USP14: variants seen among roughly 807,000 people sequenced by gnomAD.
USP14 encodes the protein ubiquitin carboxyl-terminal hydrolase 14.
USP14 carries 38 observed loss-of-function variants against 76.5 expected under a neutral mutation model. The observed-to-expected ratio is 0.50, with a 90% CI of 0.38 to 0.65. The LOEUF is 0.65. USP14 is among the 30% of genes least tolerant of loss of function. The probability of loss-of-function intolerance (pLI) is 0.00; values close to 1 mark genes in which losing one functional copy is unlikely to be tolerated. For missense variants in USP14, 467 were observed against 586.5 expected, an observed-to-expected ratio of 0.80 and a Z score of 2.10; for synonymous variants, 192 against 191.7, an observed-to-expected ratio of 1.00 and a Z score of -0.01.
chr18:194,295 T>G (rs1232116963), intron 6 of USP14, among the ~76,000 whole-genome samples: 1 of 152,230 alleles, frequency 6.6e-6, no homozygotes, highest in Non-Finnish European at 1.5e-5. Context: ...CATTTATATC[T>G]ACTTCATTTG....
chr18:158,749 G>C, intron 1 of USP14, 35 bp downstream of exon 1: 1 of 1,473,866 alleles, frequency 6.8e-7, no homozygotes, highest in African/African-American at 1.5e-5. Flanking sequence ...GCAGCACACC[G>C]GACCGGCGCT....
At chr18:166,043 GAAAGT>G (rs1314292452) in intron 2 of USP14, among the ~76,000 whole-genome samples, 1 of 152,134 alleles carries the variant, frequency 6.6e-6, no homozygotes, top group Non-Finnish European at 1.5e-5. Context: ...ATATTGAAAG[GAAAGT>G]ATATACTTGC....
Position 166,826 on chromosome 18 carries a change from A to AT in USP14, c.195+9dup, listed in dbSNP as rs368830212. 85 of 1,609,362 alleles carry AT rather than the reference A, an allele frequency of 5.3e-5. No homozygotes were observed. In the African/African-American group the frequency reaches 1.0e-3, roughly 20 times the overall value. ...AAACATCAAAATAAAAAATGTAAGTATTATCTTATGAACGTTTATTATAAT... is the reference window on the plus strand; with the variant it reads ...AAACATCAAAATAAAAAATGTAAGTATTTATCTTATGAACGTTTATTATAAT... On this transcript the variant is annotated splice_region_variant and intron_variant, in intron 3 of 15. Coordinates refer to ENST00000261601, the MANE Select transcript of USP14 (RefSeq NM_005151.4).
chr18:214,383 C>CTACTT lies in USP14; in HGVS notation c.*3100_*3104dup. On this transcript the variant is annotated 3_prime_UTR_variant, in exon 16 of 16. Coordinates refer to ENST00000261601, the MANE Select transcript of USP14 (RefSeq NM_005151.4). ...TTATTTAACTTCATTATAAATACAT[C>CTACTT]TACTTAACAAAAAAATATATTTTGT... 4.9e-6 allele frequency: 2 copies of CTACTT among 412,288 alleles called. No individual in the cohort carries two copies. Among genetic ancestry groups the CTACTT allele is most frequent in the South Asian group, 4.1e-5 (1 of 24,340 alleles). 25.5% of individuals were successfully genotyped at this position (412,288 alleles called of 1,614,324 possible).
chr18:204,800 C>T (rs954750015), intron 13 of USP14, 108 bp downstream of exon 13: 18 of 1,273,732 alleles, frequency 1.4e-5, no homozygotes, highest in Non-Finnish European at 1.8e-5. Context: ...CAGAACTATA[C>T]TTTGTATAGT....
At chr18:188,076 TTC>T (rs1489561121) in intron 5 of USP14, among the ~76,000 whole-genome samples, 1 of 152,186 alleles carries the variant, frequency 6.6e-6, no homozygotes, top group Admixed American at 6.5e-5. Context: ...GGTTGTGGAA[TTC>T]TCTCTTGTTT....
At chr18:168,153 C>T (rs1027582795) in intron 3 of USP14, among the ~76,000 whole-genome samples, 94 of 150,932 alleles carry the variant, frequency 6.2e-4, no homozygotes, top group African/African-American at 2.2e-3. Context: ...CTCGAACTCC[C>T]GACCTCAGGT....
intron 1 of USP14, among the ~76,000 whole-genome samples, chr18:161,922 A>G (rs2027675): frequency 0.21 from 32,060 of 152,132 alleles, 3,919 homozygotes; most frequent in Admixed American, 0.3. Flanking sequence ...ATACAGTTCT[A>G]TAGCATTAAA....
At chr18:192,436 C>T (rs763370563) in intron 5 of USP14, among the ~76,000 whole-genome samples, 12 of 152,050 alleles carry the variant, frequency 7.9e-5, no homozygotes, top group African/African-American at 1.7e-4. Context: ...TGATGGTGGA[C>T]GCCTGTAATC....
chr18:211,282 T>TA lies in USP14; in HGVS notation c.1485dup. ...AATAATGGAAGAGGAAAGTGAACAG[T>TA]AATCTTCATTTTAGTATTTATGCTT... ...VEIMEEESEQ[*] Residue 495 remains the stop codon, a frameshift_variant and stop_retained_variant, in exon 16 of 16, where the codon TAA becomes TAAA. Coordinates refer to ENST00000261601, the MANE Select transcript of USP14 (RefSeq NM_005151.4). LOFTEE classifies it high-confidence loss of function. 1 of 1,604,180 alleles carries TA rather than the reference T, an allele frequency of 6.2e-7. No individual in the cohort carries two copies. The highest frequency in any genetic ancestry group is 8.5e-7 in the Non-Finnish European group (1 of 1,174,306).
rs145134015 is a variant in USP14 at position 209,979 on chromosome 18, A to G, written c.1173A>G (p.Lys391=). 41 of 1,601,370 alleles carry G rather than the reference A, an allele frequency of 2.6e-5. No homozygotes were observed. In the African/African-American group the frequency reaches 4.0e-4, roughly 16 times the overall value. ...KVNQQPNTSD[K]KSSPQKEVKY... is the part of the protein sequence containing the mutation. ...CATTTTTTTCTCCTCAGAGTGACAA[A>G]AAGAGTAGTCCCCAGAAAGAAGTTA... The change falls in exon 14 of 16, where the codon AAA becomes AAG. Residue 391 remains lysine, a synonymous_variant. Coordinates refer to ENST00000261601, the MANE Select transcript of USP14 (RefSeq NM_005151.4).
chr18:166,176 T>C (rs930406289), intron 2 of USP14, among the ~76,000 whole-genome samples: 4 of 152,228 alleles, frequency 2.6e-5, no homozygotes, highest in Admixed American at 1.3e-4. Flanking sequence ...ATTAGTCAAG[T>C]GTTTTTTAGT....
At chr18:184,293 C>G (rs565369129) in intron 5 of USP14, among the ~76,000 whole-genome samples, 8 of 152,078 alleles carry the variant, frequency 5.3e-5, no homozygotes, top group Admixed American at 2.0e-4. Flanking sequence ...GTAATTGATA[C>G]AAGATGTCAT....
intron 3 of USP14, among the ~76,000 whole-genome samples, chr18:173,381 G>C (rs1278501548): frequency 2.0e-5 from 3 of 151,242 alleles, no homozygotes; most frequent in Admixed American, 2.0e-4. Context: ...AAAGTGCTGG[G>C]ATTACAGGCT....
In USP14 at chr18:158,707, C is replaced by G. The variant is rs1252554349; in HGVS notation, c.9C>G (p.Leu3=). The change falls in exon 1 of 16, where the codon CTC becomes CTG. Residue 3 remains leucine, a synonymous_variant. Coordinates refer to ENST00000261601, the MANE Select transcript of USP14 (RefSeq NM_005151.4). MP[L]YSVTVKWGKE... ...TCCCGCCGCGCCCCGCCATGCCGCT[C>G]TACTCCGGTGAGCCCTGTCCTGGCC... 1.3e-6 allele frequency: 2 copies of G among 1,536,400 alleles called. No homozygotes were observed. Among genetic ancestry groups the G allele is most frequent in the East Asian group, 2.6e-5 (1 of 38,618 alleles).
intron 13 of USP14, among the ~76,000 whole-genome samples, chr18:207,641 T>C (rs1403774818): frequency 1.3e-5 from 2 of 150,718 alleles, no homozygotes; most frequent in African/African-American, 4.9e-5. Context: ...ATGGTGCCAC[T>C]GCACTCCAGT....
chr18:180,102 G>T, intron 4 of USP14, 134 bp from the exon 5 acceptor site: 2 of 493,814 alleles, frequency 4.1e-6, no homozygotes, highest in South Asian at 3.6e-5. Context: ...TAGCGTGAAG[G>T]CAGAATATAA....
At chr18:175,010 C>CA (rs1300538794) in intron 3 of USP14, among the ~76,000 whole-genome samples, 1 of 151,886 alleles carries the variant, frequency 6.6e-6, no homozygotes. Context: ...TGGTCTCAAG[C>CA]AATCCTTCTG....
intron 10 of USP14, among the ~76,000 whole-genome samples, chr18:201,243 C>G (rs1910376688): frequency 6.6e-6 from 1 of 152,180 alleles, no homozygotes; most frequent in Non-Finnish European, 1.5e-5. Context: ...CTGGTTGATC[C>G]TCTTTGCTGT....
Sources: allele counts gnomAD v4.1 joint callset (sites outside exome capture counted in the v4.1 genomes callset), GRCh38; gene constraint gnomAD v4.1.1; transcripts MANE v1.5; gene names NCBI Gene and HGNC (gene_info 2026-07-23, HGNC 2026-07-21).